C2orf76: variants seen among roughly 807,000 people sequenced by gnomAD.
C2orf76 encodes chromosome 2 open reading frame 76.
A neutral mutation model predicts 16.9 loss-of-function variants in C2orf76; 23 were observed. The ratio of observed to expected loss-of-function variants is 1.36; its 90% confidence interval spans 0.98 to 1.93. The LOEUF (loss-of-function observed/expected upper bound fraction) is 1.93. C2orf76 is among the 30% of genes most tolerant of loss of function. The pLI is 0.00. For synonymous variants in C2orf76, 48 were observed against 52.3 expected, an observed-to-expected ratio of 0.92 and a Z score of 0.35; for missense variants, 152 against 152.6, an observed-to-expected ratio of 1.00 and a Z score of 0.02.
intron 1 of C2orf76, among the ~76,000 whole-genome samples, chr2:119,348,429 G>A (rs1326723744): frequency 1.3e-5 from 2 of 152,238 alleles, no homozygotes; most frequent in Non-Finnish European, 2.9e-5. Flanking sequence ...GCTCACGCCT[G>A]TAATCCCAGC....
rs1679327682 is a variant in C2orf76 at position 119,321,139 on chromosome 2, T to C, written c.184+15A>G. 3.0e-6 allele frequency: 4 copies of C among 1,345,370 alleles called. No individual in the cohort carries two copies. The highest frequency in any genetic ancestry group is 4.1e-6 in the Non-Finnish European group (4 of 984,892). The allele number at this position is 1,345,370 out of a possible 1,614,324, so 83.3% of individuals were successfully genotyped here. ...TGTATTTATATATATTTTAAAAGAATAAAAAAATGGTTACCATATTTATAA... is the reference window on the plus strand; with the variant it reads ...TGTATTTATATATATTTTAAAAGAACAAAAAAATGGTTACCATATTTATAA... On this transcript the variant is annotated intron_variant, in intron 3 of 5. Coordinates refer to ENST00000334816, the MANE Select transcript of C2orf76 (RefSeq NM_001322331.2).
At chr2:119,304,896 T>A (rs1678727796) in intron 5 of C2orf76, among the ~76,000 whole-genome samples, 1 of 152,210 alleles carries the variant, frequency 6.6e-6, no homozygotes. Flanking sequence ...GGTTTCTACA[T>A]CATCACTTTC....
At chr2:119,346,050 A>G in intron 1 of C2orf76, among the ~76,000 whole-genome samples, 1 of 116,784 alleles carries the variant, frequency 8.6e-6, no homozygotes. Context: ...GTGAGACGCC[A>G]TCTCAAAAAA....
chr2:119,330,002 C>T (rs1462606091), intron 2 of C2orf76, among the ~76,000 whole-genome samples: 1 of 152,140 alleles, frequency 6.6e-6, no homozygotes, highest in Non-Finnish European at 1.5e-5. Context: ...CAGTGCAGAT[C>T]TCCAGGTGAT....
intron 2 of C2orf76, among the ~76,000 whole-genome samples, chr2:119,327,496 G>C (rs1282454791): frequency 6.6e-6 from 1 of 151,836 alleles, no homozygotes; most frequent in Non-Finnish European, 1.5e-5. Context: ...GAGGTGTTTG[G>C]GTCACGGGGG....
intron 5 of C2orf76, among the ~76,000 whole-genome samples, chr2:119,306,906 T>C (rs570173093): frequency 1.3e-5 from 2 of 152,232 alleles, no homozygotes; most frequent in African/African-American, 4.8e-5. Flanking sequence ...CACCTTTTTT[T>C]CCCCTAATTT....
At chr2:119,314,514 T>C (rs1159779245) in intron 4 of C2orf76, among the ~76,000 whole-genome samples, 1 of 152,196 alleles carries the variant, frequency 6.6e-6, no homozygotes, top group African/African-American at 2.4e-5. Context: ...TACATTCAAT[T>C]TCCATATTTG....
chr2:119,324,681 C>T (rs1679452609), intron 2 of C2orf76, among the ~76,000 whole-genome samples: 2 of 152,164 alleles, frequency 1.3e-5, no homozygotes, highest in Non-Finnish European at 2.9e-5. Context: ...AGTGCCTGGT[C>T]AGCCCAAGGT....
intron 2 of C2orf76, among the ~76,000 whole-genome samples, chr2:119,332,363 C>A (rs1192067764): frequency 1.3e-5 from 2 of 151,854 alleles, no homozygotes; most frequent in East Asian, 3.9e-4. Context: ...AACTATGCAC[C>A]AACATTCAAA....
chr2:119,339,423 C>T (rs1474965126), intron 2 of C2orf76, among the ~76,000 whole-genome samples: 2 of 152,264 alleles, frequency 1.3e-5, no homozygotes, highest in East Asian at 3.9e-4. Flanking sequence ...TGCTGTACAG[C>T]CTCCGCTCCC....
intron 1 of C2orf76, among the ~76,000 whole-genome samples, chr2:119,353,903 G>A (rs1680484846): frequency 6.6e-6 from 1 of 152,114 alleles, no homozygotes; most frequent in African/African-American, 2.4e-5. Flanking sequence ...GAAAGGGTGG[G>A]AAAAGGATTG....
In C2orf76 at chr2:119,339,866, C is replaced by A; in HGVS notation, c.94G>T (p.Asp32Tyr). The A allele has an allele frequency of 6.2e-7, 1 of 1,610,396 alleles. No homozygotes were observed. Among genetic ancestry groups the A allele is most frequent in the South Asian group, 1.1e-5 (1 of 90,910 alleles). The change falls in exon 2 of 6, where the codon GAC (aspartate) becomes TAC (tyrosine). Residue 32 changes from aspartate to tyrosine, a missense_variant. Asp to Tyr is a radical substitution (Grantham distance 160). Coordinates refer to ENST00000334816, the MANE Select transcript of C2orf76 (RefSeq NM_001322331.2). ...ACGATAAATTCCTTTACAGTTTGGTCCAAATTCACTCCGTGATACACTACA... is the reference window on the plus strand; with the variant it reads ...ACGATAAATTCCTTTACAGTTTGGTACAAATTCACTCCGTGATACACTACA... Reference protein sequence around the residue: ...KPVVYHGVNLDQTVKEFIVFL... With the variant: ...KPVVYHGVNLYQTVKEFIVFL...
At chr2:119,337,178 C>A (rs1268264108) in intron 2 of C2orf76, among the ~76,000 whole-genome samples, 1 of 152,006 alleles carries the variant, frequency 6.6e-6, no homozygotes, top group Non-Finnish European at 1.5e-5. Context: ...ACCTCAGCCT[C>A]CTGAGTGCTG....
downstream of C2orf76, among the ~76,000 whole-genome samples, chr2:119,300,476 T>TAG (rs954308882): frequency 6.6e-6 from 1 of 152,206 alleles, no homozygotes; most frequent in African/African-American, 2.4e-5. Flanking sequence ...TCTAACTCCT[T>TAG]AGCATGACTT....
the C2orf76 span, among the ~76,000 whole-genome samples, chr2:119,296,834 G>A: frequency 1.3e-5 from 2 of 152,188 alleles, no homozygotes; most frequent in Non-Finnish European, 2.9e-5. Flanking sequence ...GTAAAGGGGC[G>A]CCAACAATGC....
At chr2:119,317,362 TA>T in intron 4 of C2orf76, 103 bp downstream of exon 4, 1 of 784,910 alleles carries the variant, frequency 1.3e-6, no homozygotes, top group Non-Finnish European at 1.9e-6. Context: ...AGCGCTATTA[TA>T]ATGGGAAATA....
In C2orf76 at chr2:119,339,985, C is replaced by A; in HGVS notation, c.-12-14G>T. The A allele has an allele frequency of 6.3e-7, 1 of 1,598,586 alleles. No homozygotes were observed. The highest frequency in any genetic ancestry group is 8.6e-7 in the Non-Finnish European group (1 of 1,167,102). On this transcript the variant is annotated splice_polypyrimidine_tract_variant and intron_variant, in intron 1 of 5. Coordinates refer to ENST00000334816, the MANE Select transcript of C2orf76 (RefSeq NM_001322331.2). ...GTGAAGAAATTCCTGTGGCAAGAGA[C>A]ATGAGAACCATCTAAATGAAGCCAG...
At chr2:119,323,403 C>G (rs932553789) in intron 2 of C2orf76, among the ~76,000 whole-genome samples, 7 of 152,092 alleles carry the variant, frequency 4.6e-5, no homozygotes, top group African/African-American at 1.4e-4. Context: ...ATGTTACAAG[C>G]ATTTAAAGCA....
rs1198048501 is a variant in C2orf76 at position 119,302,521 on chromosome 2, C to T, written c.332G>A (p.Cys111Tyr). The T allele has an allele frequency of 6.7e-7, 1 of 1,493,662 alleles. No homozygotes were observed. The highest frequency in any genetic ancestry group is 9.1e-7 in the Non-Finnish European group (1 of 1,104,830). 92.5% of individuals were successfully genotyped at this position (1,493,662 alleles called of 1,614,324 possible). The change falls in exon 6 of 6, where the codon TGT becomes TAT. Residue 111 changes from cysteine (C) to tyrosine (Y), a missense_variant. Physicochemically the swap from Cys to Tyr is radical, Grantham distance 194. Transcript: ENST00000334816. ...TTTGTAGTTCTTATAATCTTCTTCACAGAAGAATGCAATTTCAGTTTCACT... is the reference window on the plus strand; with the variant it reads ...TTTGTAGTTCTTATAATCTTCTTCATAGAAGAATGCAATTTCAGTTTCACT... ...IASETEIAFF[C>Y]EEDYKNYKAN...
Sources: allele counts gnomAD v4.1 joint callset (sites outside exome capture counted in the v4.1 genomes callset), GRCh38; gene constraint gnomAD v4.1.1; transcripts MANE v1.5; gene names NCBI Gene and HGNC (gene_info 2026-07-23, HGNC 2026-07-21).